Variants in AUTS2 observed in about 807,000 individuals in gnomAD.
AUTS2 encodes autism susceptibility gene 2 protein.
Under a neutral mutation model 112.4 loss-of-function variants are expected in AUTS2, and 17 were observed. That is an observed-to-expected ratio of 0.15 (90% CI 0.10 to 0.23). The LOEUF (loss-of-function observed/expected upper bound fraction) is 0.23. Ranked by LOEUF, AUTS2 falls within the 10% of genes least tolerant of loss-of-function variation. The pLI is 1.00. For missense variants in AUTS2, 1,510 were observed against 1,701.6 expected, an observed-to-expected ratio of 0.89 and a Z score of 1.98; for synonymous variants, 751 against 702.7, an observed-to-expected ratio of 1.07 and a Z score of -1.09.
intron 5 of AUTS2, among the ~76,000 whole-genome samples, chr7:70,657,670 C>CCTT (rs1387333258): frequency 6.6e-6 from 1 of 152,220 alleles, no homozygotes; most frequent in Non-Finnish European, 1.5e-5. Context: ...TAGCGTCACT[C>CCTT]CTTCACTAAG....
In AUTS2 at chr7:70,787,348, G is replaced by T; in HGVS notation, c.2448G>T (p.Glu816Asp). The T allele has an allele frequency of 1.2e-6, 2 of 1,614,086 alleles. No homozygotes were observed. Among genetic ancestry groups the T allele is most frequent in the East Asian group, 2.2e-5 (1 of 44,874 alleles). ...CCTGGCTGAAGCCAGGGGAGCTGGA[G>T]CGCAGCGCGTCCGCTGCAGCTCATG... ...PPPWLKPGEL[E>D]RSASAAAHDR... is the part of the protein sequence containing the mutation. Residue 816 changes from glutamate to aspartate, a missense_variant, in exon 18 of 19, where the codon GAG becomes GAT. Around this residue, in one of 3 missense-constraint regions of AUTS2, gnomAD observed 788 missense variants for 797.6 expected, o/e 0.99. Transcript: ENST00000342771.
intron 5 of AUTS2, among the ~76,000 whole-genome samples, chr7:70,597,941 G>T (rs989040400): frequency 1.3e-5 from 2 of 152,248 alleles, no homozygotes; most frequent in Non-Finnish European, 2.9e-5. Context: ...CATATTGCAA[G>T]TGGGTTCAGG....
rs760820634 is a variant in AUTS2 at position 70,763,160 on chromosome 7, C to T, written c.1033C>T (p.Pro345Ser). 6.2e-7 allele frequency: 1 copy of T among 1,613,842 alleles called. No homozygotes were observed. Among genetic ancestry groups the T allele is most frequent in the Non-Finnish European group, 8.5e-7 (1 of 1,179,954 alleles). ...PPLSTQPPQG[P>S]PEAQLQPAPQ... ...TCTGAGTACACAGCCACCACAGGGCCCTCCTGAGGCCCAGCTCCAGCCTGC... is the reference window on the plus strand; with the variant it reads ...TCTGAGTACACAGCCACCACAGGGCTCTCCTGAGGCCCAGCTCCAGCCTGC... The change falls in exon 7 of 19, where the codon CCT (proline) becomes TCT (serine). Residue 345 changes from proline (P) to serine (S), a missense_variant. By Grantham distance (74) the Pro-to-Ser change is moderately conservative. Transcript: ENST00000342771.
chr7:70,234,160 T>C (rs569697435), intron 4 of AUTS2, among the ~76,000 whole-genome samples: 92 of 152,316 alleles, frequency 6.0e-4, no homozygotes, highest in African/African-American at 1.8e-3. Flanking sequence ...GCTGTGCTTT[T>C]CTGATACTTT....
intron 2 of AUTS2, among the ~76,000 whole-genome samples, chr7:70,007,041 G>C (rs977883403): frequency 1.3e-5 from 2 of 152,056 alleles, no homozygotes; most frequent in African/African-American, 4.8e-5. Flanking sequence ...TCTTTTCACA[G>C]GGCTGTTTAT....
chr7:70,136,578 T>G (rs1226851469), intron 4 of AUTS2, among the ~76,000 whole-genome samples: 1 of 152,194 alleles, frequency 6.6e-6, no homozygotes, highest in East Asian at 1.9e-4. Flanking sequence ...GCCAACATAT[T>G]ATTTACACTG....
chr7:70,492,139 A>G (rs1020078456), intron 5 of AUTS2, among the ~76,000 whole-genome samples: 1 of 152,042 alleles, frequency 6.6e-6, no homozygotes, highest in African/African-American at 2.4e-5. Flanking sequence ...GCCTGGCCCA[A>G]CAGCTGCAGT....
chr7:69,799,770 A>C (rs1019210194), intron 1 of AUTS2, among the ~76,000 whole-genome samples: 2 of 151,970 alleles, frequency 1.3e-5, no homozygotes, highest in African/African-American at 2.4e-5. Context: ...TCCTCATTAG[A>C]AATCTAAGCT....
intron 4 of AUTS2, among the ~76,000 whole-genome samples, chr7:70,356,836 G>A (rs2129625076): frequency 6.6e-6 from 1 of 152,068 alleles, no homozygotes; most frequent in South Asian, 2.1e-4. Flanking sequence ...GGATAGAAGT[G>A]GCCAAAACTT....
At chr7:70,584,262 C>T (rs1802584847) in intron 5 of AUTS2, among the ~76,000 whole-genome samples, 1 of 152,078 alleles carries the variant, frequency 6.6e-6, no homozygotes, top group Admixed American at 6.6e-5. Flanking sequence ...TCAGTCTTTC[C>T]CAGGGTGAAA....
chr7:70,622,055 C>G (rs570171680), intron 5 of AUTS2, among the ~76,000 whole-genome samples: 1 of 151,744 alleles, frequency 6.6e-6, no homozygotes, highest in African/African-American at 2.4e-5. Context: ...GCACGGTGCT[C>G]TCAAACTCCT....
At chr7:70,298,290 G>A (rs990116358) in intron 4 of AUTS2, among the ~76,000 whole-genome samples, 1 of 151,944 alleles carries the variant, frequency 6.6e-6, no homozygotes, top group South Asian at 2.1e-4. Flanking sequence ...CCTCAGCCCC[G>A]CAAAGTGCTG....
At chr7:70,125,806 T>G (rs1805941845) in intron 3 of AUTS2, among the ~76,000 whole-genome samples, 1 of 152,236 alleles carries the variant, frequency 6.6e-6, no homozygotes. Flanking sequence ...TTACTCTGTC[T>G]TACCCAATTT....
intron 1 of AUTS2, among the ~76,000 whole-genome samples, chr7:69,634,201 G>A (rs1479715941): frequency 2.0e-5 from 3 of 151,298 alleles, no homozygotes; most frequent in Non-Finnish European, 4.4e-5. Context: ...CTCACTGCAA[G>A]CTCCGCCTCC....
intron 1 of AUTS2, among the ~76,000 whole-genome samples, chr7:69,893,747 A>G (rs1794622820): frequency 6.6e-6 from 1 of 152,194 alleles, no homozygotes; most frequent in African/African-American, 2.4e-5. Context: ...AAGGCAGACA[A>G]ATTGTGCCCT....
chr7:69,842,097 A>G (rs1055858208), intron 1 of AUTS2, among the ~76,000 whole-genome samples: 8 of 152,162 alleles, frequency 5.3e-5, no homozygotes, highest in African/African-American at 1.7e-4. Context: ...GTTTATATGT[A>G]ATTTCTGAGA....
intron 1 of AUTS2, among the ~76,000 whole-genome samples, chr7:69,811,393 T>C (rs1790536776): frequency 6.6e-6 from 1 of 152,034 alleles, no homozygotes; most frequent in Non-Finnish European, 1.5e-5. Flanking sequence ...AGTCTTGTCT[T>C]TTCCTACTTG....
At chr7:70,297,429 T>G (rs868744946) in intron 4 of AUTS2, among the ~76,000 whole-genome samples, 1 of 149,808 alleles carries the variant, frequency 6.7e-6, no homozygotes, top group Admixed American at 6.6e-5. Context: ...GAAGATAATT[T>G]TTTTTTTTTT....
chr7:69,665,342 AATG>A (rs746528371), intron 1 of AUTS2, among the ~76,000 whole-genome samples: 8 of 152,312 alleles, frequency 5.3e-5, no homozygotes, highest in Non-Finnish European at 1.0e-4. Context: ...GCTCAGCATA[AATG>A]ATGATAAAAC....
Sources: gnomAD v4.1 joint callset for allele counts (sites outside exome capture counted in the v4.1 genomes callset) on GRCh38, gnomAD v4.1.1 for gene constraint, gnomAD v4.1.1 regional missense constraint, MANE v1.5 for transcripts, NCBI Gene and HGNC (gene_info 2026-07-23, HGNC 2026-07-21) for gene names.